The following PCDHGA8 variants were observed in gnomAD, a reference collection of about 807,000 sequenced individuals.
The protein encoded by PCDHGA8 is protocadherin gamma subfamily A, 8.
Under a neutral mutation model 59.2 loss-of-function variants are expected in PCDHGA8, and 45 were observed. That is an observed-to-expected ratio of 0.76 (90% CI 0.60 to 0.98). PCDHGA8 has a LOEUF of 0.98. Among genes scored for constraint, PCDHGA8 ranks in the 50% least tolerant of loss-of-function variants. The pLI is 0.00. For synonymous variants in PCDHGA8, 531 were observed against 519.0 expected (o/e 1.02, Z -0.32); for missense variants, 1,257 against 1,196.2 (o/e 1.05, Z -0.75).
At chr5:141,446,296 G>A (rs2098497546) in intron 1 of PCDHGA8, among the ~76,000 whole-genome samples, 1 of 152,160 alleles carries the variant, frequency 6.6e-6, no homozygotes, top group Non-Finnish European at 1.5e-5. Context: ...GGGGAGCAGG[G>A]ATTAAGAGTG....
chr5:141,500,043 T>A (rs1240979831), intron 2 of PCDHGA8, among the ~76,000 whole-genome samples: 1 of 152,048 alleles, frequency 6.6e-6, no homozygotes, highest in East Asian at 1.9e-4. Flanking sequence ...CTCTTAAGTA[T>A]CTTAATGCTC....
chr5:141,428,037 C>T, intron 1 of PCDHGA8: 1 of 1,608,458 alleles, frequency 6.2e-7, no homozygotes, highest in South Asian at 1.1e-5. Context: ...GTCCGGCTAC[C>T]TGGTGACCAA....
At chr5:141,466,684 G>A (rs1337230884) in intron 1 of PCDHGA8, among the ~76,000 whole-genome samples, 1 of 152,034 alleles carries the variant, frequency 6.6e-6, no homozygotes, top group Non-Finnish European at 1.5e-5. Flanking sequence ...TTCCACTCAA[G>A]CTTCATCATA....
intron 1 of PCDHGA8, chr5:141,399,842 A>T (rs749737928): frequency 6.2e-7 from 1 of 1,612,970 alleles, no homozygotes; most frequent in South Asian, 1.1e-5. Context: ...GCGCTCTTCG[A>T]TATGGTGCCG....
At chr5:141,474,215 A>G (rs1393533136) in intron 1 of PCDHGA8, among the ~76,000 whole-genome samples, 1 of 152,216 alleles carries the variant, frequency 6.6e-6, no homozygotes, top group East Asian at 1.9e-4. Context: ...CAAAAACCAG[A>G]TTGTGAATTA....
At chr5:141,403,060 T>G (rs2094346399) in intron 1 of PCDHGA8, 2 of 1,614,042 alleles carry the variant, frequency 1.2e-6, no homozygotes, top group Non-Finnish European at 8.5e-7. Flanking sequence ...ACTCAGTGCC[T>G]GAAGAGACAG....
intron 1 of PCDHGA8, among the ~76,000 whole-genome samples, chr5:141,401,330 A>G (rs1377404173): frequency 6.6e-6 from 1 of 152,218 alleles, no homozygotes. Context: ...CAACAAGAGC[A>G]AAACTCCATC....
At chr5:141,424,022 A>G (rs2096795541) in intron 1 of PCDHGA8, 13 of 1,046,584 alleles carry the variant, frequency 1.2e-5, no homozygotes, top group Non-Finnish European at 1.4e-5. Context: ...ATGATTCACA[A>G]ACACTTTTTA....
rs769641310 is a variant in PCDHGA8, at chr5:141,477,421, T to G, written c.2425-17386T>G. 1.7e-5 allele frequency: 28 copies of G among 1,614,172 alleles called. No individual in the cohort carries two copies. Among genetic ancestry groups the G allele is most frequent in the Non-Finnish European group, 2.3e-5 (27 of 1,180,028 alleles). On this transcript the variant is annotated intron_variant, in intron 1 of 3. Coordinates refer to ENST00000398604, the MANE Select transcript of PCDHGA8 (RefSeq NM_032088.2). The surrounding 1 kb of genome is among the most constrained non-coding windows in gnomAD (Gnocchi z 4.9). ...TCACCGCCCGAGACGCCGGAACCCC[T>G]TCCCTCTCAGCCCTTACAATAGTGC...
At chr5:141,421,089 T>A (rs1047424267) in intron 1 of PCDHGA8, 25 of 661,836 alleles carry the variant, frequency 3.8e-5, no homozygotes, top group Middle Eastern at 4.1e-4. Context: ...TCACAGATCC[T>A]GACACTGGAG....
intron 1 of PCDHGA8, chr5:141,408,518 T>A (rs1330187050): frequency 6.2e-7 from 1 of 1,614,010 alleles, no homozygotes; most frequent in African/African-American, 1.3e-5. Flanking sequence ...TGAGTTGCAA[T>A]TGGAAGCTGT....
chr5:141,475,731 C>T (rs991175739), intron 1 of PCDHGA8, among the ~76,000 whole-genome samples: 1 of 152,248 alleles, frequency 6.6e-6, no homozygotes, highest in African/African-American at 2.4e-5. Context: ...GGCTGGCTTT[C>T]CCTAAGGTAG....
intron 1 of PCDHGA8, among the ~76,000 whole-genome samples, chr5:141,439,104 A>G (rs924055175): frequency 6.6e-6 from 1 of 151,676 alleles, no homozygotes; most frequent in African/African-American, 2.4e-5. Flanking sequence ...GAGGCAAGAG[A>G]ATCACTTGAA....
intron 1 of PCDHGA8, chr5:141,415,444 T>A (rs770800491): frequency 1.9e-6 from 3 of 1,614,184 alleles, no homozygotes; most frequent in Non-Finnish European, 2.5e-6. Context: ...CCTGCAGACC[T>A]ATTCCCACGA....
intron 1 of PCDHGA8, among the ~76,000 whole-genome samples, chr5:141,401,891 T>C (rs1196463391): frequency 6.6e-6 from 1 of 152,200 alleles, no homozygotes; most frequent in Non-Finnish European, 1.5e-5. Context: ...TTTTGTGTTC[T>C]TTTTCCCAAA....
intron 1 of PCDHGA8, chr5:141,413,303 T>G (rs772421197): frequency 6.8e-6 from 11 of 1,613,942 alleles, no homozygotes; most frequent in Middle Eastern, 3.3e-4. Flanking sequence ...CCTGAGGAAT[T>G]AGAGAAAGGC....
chr5:141,409,087 T>C (rs753624565), intron 1 of PCDHGA8: 1 of 1,613,990 alleles, frequency 6.2e-7, no homozygotes, highest in Admixed American at 1.7e-5. Flanking sequence ...TCTCATTGGA[T>C]GAGAAAACAG....
intron 1 of PCDHGA8, among the ~76,000 whole-genome samples, chr5:141,435,264 T>C (rs1442193276): frequency 5.3e-5 from 8 of 152,222 alleles, no homozygotes; most frequent in Non-Finnish European, 8.8e-5. Context: ...GATATGTCCA[T>C]TTATACTTTC....
intron 1 of PCDHGA8, among the ~76,000 whole-genome samples, chr5:141,444,199 T>C (rs2098425653): frequency 7.4e-6 from 1 of 134,516 alleles, no homozygotes; most frequent in African/African-American, 2.9e-5. Context: ...GAGATGGAGT[T>C]TCACTCTTGT....
Sources: gnomAD v4.1 joint callset for allele counts (sites outside exome capture counted in the v4.1 genomes callset) on GRCh38, gnomAD v4.1.1 for gene constraint, Gnocchi (gnomAD v3.1) non-coding constraint, MANE v1.5 for transcripts, NCBI Gene and HGNC (gene_info 2026-07-23, HGNC 2026-07-21) for gene names.